FERMT1: variants seen among roughly 807,000 people sequenced by gnomAD.
FERMT1 encodes the protein fermitin family homolog 1.
Under a neutral mutation model 85.3 loss-of-function variants are expected in FERMT1, and 60 were observed. That is an observed-to-expected ratio of 0.70 (90% confidence interval 0.57 to 0.87). The LOEUF is 0.87. Ranked by LOEUF, FERMT1 falls within the 40% of genes least tolerant of loss-of-function variation. FERMT1 has a pLI of 0.00. For synonymous variants in FERMT1, 275 were observed against 301.1 expected (o/e 0.91, Z 0.90); for missense variants, 701 against 818.9 (o/e 0.86, Z 1.76).
rs535393782 is a variant in FERMT1 at position 6,104,246 on chromosome 20, A to T, written c.849+3286T>A. On this transcript the variant is annotated intron_variant, in intron 6 of 14. Transcript: ENST00000217289. The surrounding 1 kb of genome is among the most constrained non-coding windows in gnomAD (Gnocchi z 4.2). ...TTTTAATCAGCACCTGTTACTAAGG[A>T]CCTGTGGCCAGTATGAATCTCTCTG... 3.9e-5 allele frequency among the ~76,000 whole-genome samples: 6 copies of T among 152,308 alleles called. No individual in the cohort carries two copies. The highest frequency in any genetic ancestry group is 1.4e-4 in the African/African-American group (6 of 41,560).
intron 14 of FERMT1, 102 bp from the exon 15 acceptor site, chr20:6,077,448 G>C: frequency 9.5e-7 from 1 of 1,056,160 alleles, no homozygotes; most frequent in South Asian, 1.3e-5. Context: ...TGCTGAGGTG[G>C]ATAACAGATG....
At chr20:6,108,977 G>T (rs1431687854) in intron 5 of FERMT1, among the ~76,000 whole-genome samples, 1 of 152,282 alleles carries the variant, frequency 6.6e-6, no homozygotes, top group African/African-American at 2.4e-5. Flanking sequence ...TATCTGTGCT[G>T]TCTGATGCAT....
At chr20:6,083,011 T>A (rs1178834836) in intron 13 of FERMT1, among the ~76,000 whole-genome samples, 1 of 152,154 alleles carries the variant, frequency 6.6e-6, no homozygotes, top group Non-Finnish European at 1.5e-5. Flanking sequence ...ATGGAGTCTT[T>A]GGAAAGGGCC....
In FERMT1 at chr20:6,085,303, G is replaced by T; in HGVS notation, c.1372-16C>A. ...ATTGATTCTCCTGCAGCAAACAGAA[G>T]GTTGAGAAGCAAGCTCAAGTGCAAA... On this transcript the variant is annotated splice_polypyrimidine_tract_variant and intron_variant, in intron 11 of 14. Coordinates refer to ENST00000217289, the MANE Select transcript of FERMT1 (RefSeq NM_017671.5). The T allele has an allele frequency of 6.2e-7, 1 of 1,611,686 alleles. No individual in the cohort carries two copies. The highest frequency in any genetic ancestry group is 8.5e-7 in the Non-Finnish European group (1 of 1,179,100).
At position 6,084,068 on chromosome 20, in the gene FERMT1, C is replaced by T; in HGVS notation, c.1690G>A (p.Glu564Lys). 6.2e-7 allele frequency: 1 copy of T among 1,614,146 alleles called. No homozygotes were observed. Among genetic ancestry groups the T allele is most frequent in the Non-Finnish European group, 8.5e-7 (1 of 1,180,014 alleles). The change falls in exon 13 of 15, where the codon GAG (glutamate) becomes AAG (lysine). Residue 564 changes from glutamate to lysine, a missense_variant. Transcript: ENST00000217289. ...ACAAGGTAGTAGGTGAGGCCAAACT[C>T]AGGCAGTGACTGCCACGCCTGGATG... is the stretch of plus-strand genomic sequence containing the variant. Reference protein sequence around the residue: ...RFIQAWQSLPEFGLTYYLVRF... With the variant: ...RFIQAWQSLPKFGLTYYLVRF...
intron 13 of FERMT1, among the ~76,000 whole-genome samples, chr20:6,080,354 C>T (rs112262361): frequency 6.6e-6 from 1 of 152,112 alleles, no homozygotes; most frequent in South Asian, 2.1e-4. Flanking sequence ...TGTTATGTTG[C>T]CCAGACTAGT....
In FERMT1 at chr20:6,093,138, C is replaced by G. The variant is rs189838690; in HGVS notation, c.1139+1801G>C. On this transcript the variant is annotated intron_variant, in intron 9 of 14. Transcript: ENST00000217289. The stretch of plus-strand genomic sequence containing the variant: ...AAAATCAAAGGATTAGTTCAATGCT[C>G]TTAGTACTGATGAGGAAAGAAGGTC... Among the ~76,000 whole-genome samples, 18 of 152,112 alleles carry G rather than the reference C, an allele frequency of 1.2e-4. No individual in the cohort carries two copies. In the East Asian group the frequency reaches 1.7e-3, roughly 15 times the overall value.
At chr20:6,109,858 C>T (rs559838624) in intron 5 of FERMT1, among the ~76,000 whole-genome samples, 20 of 150,298 alleles carry the variant, frequency 1.3e-4, no homozygotes, top group African/African-American at 3.2e-4. Context: ...GCTGAGATTG[C>T]GCCATTGCAC....
intron 13 of FERMT1, among the ~76,000 whole-genome samples, chr20:6,083,721 C>A (rs911060559): frequency 6.9e-6 from 1 of 144,018 alleles, no homozygotes; most frequent in South Asian, 2.2e-4. Flanking sequence ...AAAAAAAAAC[C>A]GAAAAGAAGT....
At chr20:6,088,622 A>AC (rs1555799466) in intron 10 of FERMT1, among the ~76,000 whole-genome samples, 3 of 125,970 alleles carry the variant, frequency 2.4e-5, no homozygotes, top group African/African-American at 9.0e-5. Flanking sequence ...TAATCTGCTC[A>AC]CCTCTTTTTT....
chr20:6,103,541 A>C (rs1216485925), intron 6 of FERMT1, among the ~76,000 whole-genome samples: 1 of 152,210 alleles, frequency 6.6e-6, no homozygotes, highest in Admixed American at 6.5e-5. Flanking sequence ...AGTCTATGAC[A>C]GAGCCCATTT....
intron 3 of FERMT1, 140 bp downstream of exon 3, chr20:6,115,671 C>A (rs995100616): frequency 1.4e-6 from 1 of 728,248 alleles, no homozygotes. Flanking sequence ...GGCTGCAATA[C>A]CCAGAAGGGC....
At chr20:6,101,019 A>C (rs1281293886) in intron 6 of FERMT1, among the ~76,000 whole-genome samples, 1 of 152,202 alleles carries the variant, frequency 6.6e-6, no homozygotes. Flanking sequence ...TGGCCATAAA[A>C]ACATTGGAAA....
Position 6,097,686 on chromosome 20 carries a change from A to G in FERMT1, c.850-55T>C, listed in dbSNP as rs1982548098. The G allele has an allele frequency of 2.5e-6, 3 of 1,220,558 alleles. No homozygotes were observed. In the East Asian group the frequency reaches 7.0e-5, roughly 28 times the overall value. The allele number at this position is 1,220,558 out of a possible 1,614,324, so 75.6% of individuals were successfully genotyped here. ...ATGAGGTATATTTATATCCCACAAT[A>G]CAAAGATTCTGAAACAACTGAGGCC... On this transcript the variant is annotated intron_variant, in intron 6 of 14. Transcript: ENST00000217289.
intron 4 of FERMT1, 45 bp downstream of exon 4, chr20:6,112,432 T>C: frequency 6.3e-7 from 1 of 1,597,416 alleles, no homozygotes; most frequent in Non-Finnish European, 8.6e-7. Context: ...CTCTCTTGAG[T>C]TTTACTGTAC....
At position 6,077,241 on chromosome 20, in the gene FERMT1, G is replaced by C. The variant is rs372047057; in HGVS notation, c.1966C>G (p.Arg656Gly). 9 of 1,614,042 alleles carry C rather than the reference G, an allele frequency of 5.6e-6. No homozygotes were observed. The highest frequency in any genetic ancestry group is 7.6e-6 in the Non-Finnish European group (9 of 1,180,034). Residue 656 changes from arginine to glycine, a missense_variant, in exon 15 of 15, where the codon CGC becomes GGC. By Grantham distance (125) the Arg-to-Gly change is moderately radical (BLOSUM62 -2). Transcript: ENST00000217289. ...AGTGTTTCATTCTGGTCCTTGGAGCGGGTGGACAAGAAAATGTAGCCGCCA... is the reference window on the plus strand; with the variant it reads ...AGTGTTTCATTCTGGTCCTTGGAGCCGGTGGACAAGAAAATGTAGCCGCCA... ...YIGGYIFLST[R>G]SKDQNETLDE...
At chr20:6,093,849 G>A (rs1436787852) in intron 9 of FERMT1, among the ~76,000 whole-genome samples, 1 of 152,134 alleles carries the variant, frequency 6.6e-6, no homozygotes, top group Admixed American at 6.5e-5. Flanking sequence ...CCAGCTACTC[G>A]GGAGGCTAAG....
At chr20:6,099,084 T>G (rs1982583477) in intron 6 of FERMT1, among the ~76,000 whole-genome samples, 1 of 152,054 alleles carries the variant, frequency 6.6e-6, no homozygotes, top group Admixed American at 6.6e-5. Context: ...CCACATACAA[T>G]AGAACGCTAT....
At chr20:6,092,326 T>C (rs1026971703) in intron 9 of FERMT1, among the ~76,000 whole-genome samples, 1 of 152,148 alleles carries the variant, frequency 6.6e-6, no homozygotes, top group African/African-American at 2.4e-5. Flanking sequence ...GGGAAGATCT[T>C]GAGTCCAGGA....
Sources: allele counts gnomAD v4.1 joint callset (sites outside exome capture counted in the v4.1 genomes callset), GRCh38; gene constraint gnomAD v4.1.1; non-coding constraint Gnocchi (gnomAD v3.1); transcripts MANE v1.5; gene names NCBI Gene and HGNC (gene_info 2026-07-23, HGNC 2026-07-21).